The following FAM107B variants were observed in gnomAD, a reference collection of about 807,000 sequenced individuals.
FAM107B encodes protein FAM107B.
A neutral mutation model predicts 31.5 loss-of-function variants in FAM107B; 21 were observed. The ratio of observed to expected loss-of-function variants is 0.67; its 90% CI spans 0.47 to 0.96. The LOEUF (loss-of-function observed/expected upper bound fraction) is 0.96. Ranked by LOEUF, FAM107B falls within the 40% of genes least tolerant of loss-of-function variation. The pLI, the probability that FAM107B is intolerant of heterozygous loss-of-function variation, is 0.00. For missense variants in FAM107B, 452 were observed against 377.1 expected (o/e 1.20, Z -1.64); for synonymous variants, 157 against 141.5 (o/e 1.11, Z -0.78).
chr10:14,678,268 C>T (rs189560972), intron 1 of FAM107B, among the ~76,000 whole-genome samples: 35 of 152,268 alleles, frequency 2.3e-4, no homozygotes, highest in African/African-American at 7.9e-4. Flanking sequence ...TCCTTTGCAC[C>T]TCCCAGAGTG....
chr10:14,728,023 CT>C (rs1856075849), intron 1 of FAM107B, among the ~76,000 whole-genome samples: 1 of 152,156 alleles, frequency 6.6e-6, no homozygotes, highest in Non-Finnish European at 1.5e-5. Context: ...CTCCCTCTGT[CT>C]CTTATTCACT....
intron 2 of FAM107B, among the ~76,000 whole-genome samples, chr10:14,601,377 G>GTCAGGCCCAGCC (rs1188353897): frequency 6.6e-6 from 1 of 152,186 alleles, no homozygotes; most frequent in East Asian, 1.9e-4. Flanking sequence ...CTTCAGATGG[G>GTCAGGCCCAGCC]TCAGGCCCAG....
intron 1 of FAM107B, among the ~76,000 whole-genome samples, chr10:14,717,934 A>C (rs977413010): frequency 6.6e-6 from 1 of 152,194 alleles, no homozygotes; most frequent in Admixed American, 6.5e-5. Context: ...AGCCCAGAGA[A>C]AGCTTCTGGA....
intron 2 of FAM107B, among the ~76,000 whole-genome samples, chr10:14,594,493 G>C (rs1444752552): frequency 8.6e-6 from 1 of 115,876 alleles, no homozygotes; most frequent in Non-Finnish European, 1.7e-5. Flanking sequence ...GACAGAGCAA[G>C]ACCCTGCCAA....
intron 1 of FAM107B, among the ~76,000 whole-genome samples, chr10:14,730,882 T>C (rs542676690): frequency 3.9e-5 from 6 of 151,910 alleles, no homozygotes; most frequent in Admixed American, 2.0e-4. Flanking sequence ...AGTAGCAGCA[T>C]GAATGGACAG....
chr10:14,768,210 G>A (rs930451608), intron 1 of FAM107B, among the ~76,000 whole-genome samples: 1 of 152,156 alleles, frequency 6.6e-6, no homozygotes, highest in African/African-American at 2.4e-5. Context: ...AATGTAAGAT[G>A]TCAATACTGC....
intron 1 of FAM107B, among the ~76,000 whole-genome samples, chr10:14,693,207 G>C (rs1198082005): frequency 1.3e-5 from 2 of 152,156 alleles, no homozygotes; most frequent in African/African-American, 4.8e-5. Flanking sequence ...CGGGCGCGGT[G>C]GCTCACGCCT....
intron 1 of FAM107B, among the ~76,000 whole-genome samples, chr10:14,764,361 G>A (rs1833119862): frequency 1.3e-5 from 2 of 152,134 alleles, no homozygotes; most frequent in African/African-American, 4.8e-5. Flanking sequence ...ATCAAATCCT[G>A]CCTATGTGCT....
chr10:14,598,845 G>A (rs969888336), intron 2 of FAM107B, among the ~76,000 whole-genome samples: 22 of 152,102 alleles, frequency 1.4e-4, no homozygotes, highest in African/African-American at 3.1e-4. Context: ...TAACCCAGGC[G>A]ACCTCACAGA....
chr10:14,565,965 G>A (rs1850631004), intron 2 of FAM107B, among the ~76,000 whole-genome samples: 1 of 152,204 alleles, frequency 6.6e-6, no homozygotes, highest in Non-Finnish European at 1.5e-5. Flanking sequence ...TCGCAGCAGG[G>A]CGGACCTAAG....
chr10:14,758,255 G>T (rs1422315429), intron 1 of FAM107B, among the ~76,000 whole-genome samples: 1 of 152,204 alleles, frequency 6.6e-6, no homozygotes, highest in Non-Finnish European at 1.5e-5. Context: ...AGTGGGAACT[G>T]TTTTCCTTAA....
At chr10:14,719,148 C>A (rs1002858018) in intron 1 of FAM107B, among the ~76,000 whole-genome samples, 1 of 152,206 alleles carries the variant, frequency 6.6e-6, no homozygotes, top group Non-Finnish European at 1.5e-5. Flanking sequence ...AGACCATAGG[C>A]TTAGAGCAGG....
intron 2 of FAM107B, among the ~76,000 whole-genome samples, chr10:14,642,955 T>G (rs758267325): frequency 6.6e-6 from 1 of 152,180 alleles, no homozygotes; most frequent in Non-Finnish European, 1.5e-5. Flanking sequence ...ATATTTTTAG[T>G]GTGCACCCCC....
At chr10:14,576,985 T>C (rs1851485033) in intron 2 of FAM107B, among the ~76,000 whole-genome samples, 2 of 152,212 alleles carry the variant, frequency 1.3e-5, no homozygotes, top group African/African-American at 2.4e-5. Flanking sequence ...TACATAATAA[T>C]GCATGGCTTT....
At chr10:14,649,943 G>GAGATGC (rs1234985186) in intron 2 of FAM107B, among the ~76,000 whole-genome samples, 1 of 152,218 alleles carries the variant, frequency 6.6e-6, no homozygotes, top group African/African-American at 2.4e-5. Flanking sequence ...TCAGTCATCA[G>GAGATGC]AGATGCAGGC....
intron 2 of FAM107B, among the ~76,000 whole-genome samples, chr10:14,650,221 TC>T (rs1250246095): frequency 6.6e-6 from 1 of 151,748 alleles, no homozygotes; most frequent in Non-Finnish European, 1.5e-5. Flanking sequence ...TTTTTTTTTT[TC>T]ATTAGGAAGG....
chr10:14,704,267 C>CTGTGTGTGTG (rs1349375294), intron 1 of FAM107B, among the ~76,000 whole-genome samples: 1 of 66,642 alleles, frequency 1.5e-5, no homozygotes, highest in Non-Finnish European at 3.0e-5. Context: ...AGGTAAATTG[C>CTGTGTGTGTG]TCTGTGTGTG....
chr10:14,629,468 T>G (rs1248668064), intron 2 of FAM107B, among the ~76,000 whole-genome samples: 2 of 87,560 alleles, frequency 2.3e-5, no homozygotes, highest in Non-Finnish European at 2.0e-5. Flanking sequence ...TATATATATA[T>G]TTAATATATA....
At chr10:14,674,494 A>G (rs1854634526) in intron 1 of FAM107B, among the ~76,000 whole-genome samples, 1 of 152,160 alleles carries the variant, frequency 6.6e-6, no homozygotes, top group Non-Finnish European at 1.5e-5. Context: ...TCTGCAGTCT[A>G]GAGAGACATG....
Sources: gnomAD v4.1 joint callset for allele counts (sites outside exome capture counted in the v4.1 genomes callset) on GRCh38, gnomAD v4.1.1 for gene constraint, MANE v1.5 for transcripts, NCBI Gene and HGNC (gene_info 2026-07-23, HGNC 2026-07-21) for gene names.